The following MCF2L2 variants were observed in gnomAD, a reference collection of about 807,000 sequenced individuals.
MCF2L2 encodes MCF.2 cell line derived transforming sequence-like 2.
In MCF2L2, 102 loss-of-function variants were observed where a neutral mutation model predicts 150.2. The observed-to-expected ratio is 0.68, with a 90% CI of 0.58 to 0.80. MCF2L2 has a LOEUF of 0.80. Ranked by LOEUF, MCF2L2 falls within the 30% of genes least tolerant of loss-of-function variation. MCF2L2 has a pLI of 0.00. For missense variants in MCF2L2, 1,256 were observed against 1,372.8 expected (o/e 0.91, Z 1.34); for synonymous variants, 465 against 491.3 (o/e 0.95, Z 0.71).
At chr3:183,258,245 C>G (rs534548194) in intron 15 of MCF2L2, 1 of 152,974 alleles carries the variant, frequency 6.5e-6, no homozygotes, top group African/African-American at 2.4e-5. Flanking sequence ...GGATTACAGG[C>G]ATGAGCCACC....
Position 183,219,816 on chromosome 3 carries a change from ATAGT to A in MCF2L2, c.2370+36_2370+39del, listed in dbSNP as rs778929602. 302 of 1,326,910 alleles carry A rather than the reference ATAGT, an allele frequency of 2.3e-4. 1 individual carries two copies. In the Middle Eastern group the frequency reaches 7.4e-3, roughly 33 times the overall value. 82.2% of individuals were successfully genotyped at this position (1,326,910 alleles called of 1,614,324 possible). On this transcript the variant is annotated intron_variant, in intron 21 of 29. Coordinates refer to ENST00000328913, the MANE Select transcript of MCF2L2 (RefSeq NM_015078.4). ...TCCGACCCATAGACAAACACCATTA[ATAGT>A]TAGTTATATAAAATGTAATATTTAA...
intron 14 of MCF2L2, among the ~76,000 whole-genome samples, chr3:183,278,041 C>T (rs370128718): frequency 6.6e-6 from 1 of 150,580 alleles, no homozygotes; most frequent in Admixed American, 6.6e-5. Context: ...AAAAATTAGC[C>T]GGGCATGGTG....
At chr3:183,234,047 A>C (rs1723690275) in intron 15 of MCF2L2, among the ~76,000 whole-genome samples, 1 of 152,240 alleles carries the variant, frequency 6.6e-6, no homozygotes, top group Non-Finnish European at 1.5e-5. Context: ...TCACTGAGAA[A>C]GAGGTTCCTA....
chr3:183,314,925 T>C (rs1362297868), intron 7 of MCF2L2, among the ~76,000 whole-genome samples: 1,875 of 71,584 alleles, frequency 0.026, 232 homozygotes, highest in East Asian at 0.038. Flanking sequence ...TTTTTTTTTT[T>C]TTTTTTTTTT....
chr3:183,317,802 C>T (rs1183186725), intron 7 of MCF2L2, among the ~76,000 whole-genome samples: 3 of 152,162 alleles, frequency 2.0e-5, no homozygotes, highest in African/African-American at 7.2e-5. Flanking sequence ...CCCTGTGCTG[C>T]TTCCCACCGT....
chr3:183,267,708 G>A lies in MCF2L2; in HGVS notation c.1862+9164C>T, dbSNP rs768512699. On this transcript the variant is annotated intron_variant, in intron 15 of 29. Transcript: ENST00000328913. The surrounding 1 kb of genome is among the most constrained non-coding windows in gnomAD (Gnocchi z 5.5). ...CCATCCAAGGAAGTGTTTTACCTGT[G>A]GTAAGCACGGGGGACAGAATTCTTG... 1.3e-5 allele frequency among the ~76,000 whole-genome samples: 2 copies of A among 152,204 alleles called. No homozygotes were observed. The highest frequency in any genetic ancestry group is 2.9e-5 in the Non-Finnish European group (2 of 68,026).
At chr3:183,306,123 A>G (rs1729084360) in intron 10 of MCF2L2, among the ~76,000 whole-genome samples, 1 of 152,216 alleles carries the variant, frequency 6.6e-6, no homozygotes, top group African/African-American at 2.4e-5. Flanking sequence ...TACAGCTGGT[A>G]CTTGTTAGAG....
intron 1 of MCF2L2, among the ~76,000 whole-genome samples, chr3:183,405,124 G>A (rs1714976603): frequency 6.6e-6 from 1 of 152,008 alleles, no homozygotes; most frequent in Non-Finnish European, 1.5e-5. Flanking sequence ...TCTGTAATAT[G>A]TATTATACAT....
chr3:183,208,488 CT>C (rs963195485), intron 22 of MCF2L2, among the ~76,000 whole-genome samples: 1 of 152,180 alleles, frequency 6.6e-6, no homozygotes, highest in Non-Finnish European at 1.5e-5. Flanking sequence ...TGTGATGCCC[CT>C]GTCTCCACCA....
At chr3:183,298,220 CACT>C (rs780521555) in intron 11 of MCF2L2, 5 of 152,070 alleles carry the variant, frequency 3.3e-5, no homozygotes, top group Non-Finnish European at 7.4e-5. Flanking sequence ...TTTTGAACTC[CACT>C]GAGACACTTG....
At chr3:183,327,948 C>T (rs1730118161) in intron 5 of MCF2L2, among the ~76,000 whole-genome samples, 1 of 152,156 alleles carries the variant, frequency 6.6e-6, no homozygotes, top group Admixed American at 6.5e-5. Context: ...CCTGAGTTTA[C>T]ATGAATGCGG....
chr3:183,303,667 T>C (rs1410023162), intron 10 of MCF2L2, among the ~76,000 whole-genome samples: 2 of 152,206 alleles, frequency 1.3e-5, no homozygotes, highest in African/African-American at 4.8e-5. Context: ...TCCTTGTCAC[T>C]GTCTGCTCAG....
At chr3:183,412,491 G>T (rs888394720) in intron 1 of MCF2L2, among the ~76,000 whole-genome samples, 1 of 151,996 alleles carries the variant, frequency 6.6e-6, no homozygotes, top group African/African-American at 2.4e-5. Flanking sequence ...TAGAGGCGGG[G>T]TTTCACCATG....
chr3:183,238,423 T>C (rs1723840798), intron 15 of MCF2L2, among the ~76,000 whole-genome samples: 1 of 151,808 alleles, frequency 6.6e-6, no homozygotes, highest in African/African-American at 2.4e-5. Flanking sequence ...GACTCCCGAG[T>C]AGCTGGGACT....
intron 15 of MCF2L2, among the ~76,000 whole-genome samples, chr3:183,275,600 C>T (rs183464264): frequency 3.9e-5 from 6 of 152,218 alleles, no homozygotes; most frequent in East Asian, 1.9e-4. Context: ...GTCTGCCATA[C>T]GTTTTTTGTT....
At chr3:183,238,242 ATT>A (rs539424224) in intron 15 of MCF2L2, among the ~76,000 whole-genome samples, 2,269 of 112,694 alleles carry the variant, frequency 0.02, 51 homozygotes, top group African/African-American at 0.058. Flanking sequence ...TTTTTTTGCG[ATT>A]TTTTTTTTTT....
chr3:183,325,478 G>A (rs1729985887), intron 5 of MCF2L2, among the ~76,000 whole-genome samples: 2 of 152,086 alleles, frequency 1.3e-5, no homozygotes, highest in South Asian at 4.1e-4. Flanking sequence ...ATAAAAACCT[G>A]AATCTATCTG....
intron 4 of MCF2L2, 63 bp downstream of exon 4, chr3:183,341,477 T>C: frequency 7.6e-7 from 1 of 1,324,368 alleles, no homozygotes; most frequent in Non-Finnish European, 1.1e-6. Context: ...GACTTTGATA[T>C]GAAATAGTTG....
At chr3:183,341,798 A>C (rs1477762059) in intron 3 of MCF2L2, among the ~76,000 whole-genome samples, 168 bp from the exon 4 acceptor site, 5 of 152,212 alleles carry the variant, frequency 3.3e-5, no homozygotes, top group Non-Finnish European at 7.3e-5. Context: ...GGTAATCTTA[A>C]CAAAATAGAT....
Sources: gnomAD v4.1 joint callset for allele counts (sites outside exome capture counted in the v4.1 genomes callset) on GRCh38, gnomAD v4.1.1 for gene constraint, Gnocchi (gnomAD v3.1) non-coding constraint, MANE v1.5 for transcripts, NCBI Gene and HGNC (gene_info 2026-07-23, HGNC 2026-07-21) for gene names.